GCNA: variants seen among roughly 807,000 people sequenced by gnomAD.
GCNA encodes germ cell nuclear acidic protein.
Under a neutral mutation model 38.8 loss-of-function variants are expected in GCNA, and 3 were observed. That is an observed-to-expected ratio of 0.08 (90% CI 0.04 to 0.20). The LOEUF is 0.20. GCNA is among the 10% of genes least tolerant of loss of function. GCNA has a pLI of 1.00. For missense variants in GCNA, 446 were observed against 578.6 expected (o/e 0.77, Z 2.35); for synonymous variants, 195 against 240.2 (o/e 0.81, Z 1.74).
In GCNA at chrX:71,581,437, C is replaced by A. The variant is rs1487360889; in HGVS notation, c.59+557C>A. On this transcript the variant is annotated intron_variant, in intron 2 of 12. Transcript: ENST00000373696. The stretch of plus-strand genomic sequence containing the variant: ...ATAGCTGCCTGTCTCTAAGTTTTTT[C>A]TCTTCTGGAACACTACCCTATTTTC... Among the ~76,000 whole-genome samples, 3 of 111,758 alleles carry A rather than the reference C, an allele frequency of 2.7e-5. No homozygotes were observed. The East Asian group carries it at 8.3e-4, about 31-fold the overall frequency.
intron 6 of GCNA, among the ~76,000 whole-genome samples, chrX:71,595,136 G>A (rs180682991): frequency 1.3e-4 from 14 of 111,469 alleles, no homozygotes; most frequent in Non-Finnish European, 2.5e-4. Flanking sequence ...AGTCTTGCTC[G>A]ACCAGGTTCG....
chrX:71,610,487 C>T, intron 10 of GCNA, among the ~76,000 whole-genome samples, 194 bp from the exon 11 acceptor site: 1 of 112,025 alleles, frequency 8.9e-6, no homozygotes, highest in East Asian at 2.8e-4. Flanking sequence ...GTGGCGCATG[C>T]CTGTAATCCC....
At chrX:71,588,880 ACTTTTTTTTAAGT>A (rs1417878499) in intron 2 of GCNA, among the ~76,000 whole-genome samples, 2 of 95,759 alleles carry the variant, frequency 2.1e-5, no homozygotes, top group African/African-American at 8.7e-5. Context: ...ATCTTTTATA[ACTTTTTTTTAAGT>A]TTTTTTTTTT....
At chrX:71,580,086 AAG>A (rs2040534392) in intron 1 of GCNA, among the ~76,000 whole-genome samples, 1 of 100,558 alleles carries the variant, frequency 9.9e-6, no homozygotes, top group African/African-American at 3.7e-5. Flanking sequence ...GTGGGGAGTA[AAG>A]AGGTAGGGGA....
intron 6 of GCNA, among the ~76,000 whole-genome samples, chrX:71,595,825 T>C (rs1003479040): frequency 2.7e-5 from 3 of 112,667 alleles, no homozygotes; most frequent in African/African-American, 9.7e-5. Flanking sequence ...AGTGGGAAAG[T>C]TTTTGTTCTG....
intron 2 of GCNA, among the ~76,000 whole-genome samples, chrX:71,588,970 G>A (rs1471867998): frequency 1.5e-4 from 16 of 106,627 alleles, no homozygotes; most frequent in African/African-American, 5.5e-4. Flanking sequence ...CGAACTCTTG[G>A]GCTCAAGGGA....
intron 2 of GCNA, among the ~76,000 whole-genome samples, chrX:71,584,650 G>A (rs2040571616): frequency 9.0e-6 from 1 of 110,585 alleles, no homozygotes; most frequent in South Asian, 3.9e-4. Flanking sequence ...GGATCACGAG[G>A]TCAGGAGATC....
chrX:71,588,730 G>A (rs892015882), intron 2 of GCNA, among the ~76,000 whole-genome samples: 2 of 111,039 alleles, frequency 1.8e-5, no homozygotes, highest in African/African-American at 6.6e-5. Context: ...CACAGGCTGA[G>A]GCAGGAGAAT....
chrX:71,580,194 G>C (rs1351113372), intron 1 of GCNA: 3 of 104,191 alleles, frequency 2.9e-5, no homozygotes, highest in Non-Finnish European at 5.9e-5. Context: ...AGTGGGATGT[G>C]GGGGCGGTCG....
chrX:71,603,597 C>A lies in GCNA; in HGVS notation c.320C>A (p.Pro107Gln). 8.3e-7 allele frequency: 1 copy of A among 1,207,833 alleles called. No homozygotes were observed. The highest frequency in any genetic ancestry group is 1.1e-6 in the Non-Finnish European group (1 of 893,115). The change falls in exon 8 of 13, where the codon CCG (proline) becomes CAG (glutamine). Residue 107 changes from proline (P) to glutamine (Q), a missense_variant. Coordinates refer to ENST00000373696, the MANE Select transcript of GCNA (RefSeq NM_052957.5). ...GTCTCTTGAATTTCAGATGAGAGTCCGGAGTGTTGTCATGTGAAGCCTGCC... is the reference window on the plus strand; with the variant it reads ...GTCTCTTGAATTTCAGATGAGAGTCAGGAGTGTTGTCATGTGAAGCCTGCC... Reference protein sequence around the residue: ...LLEINSDDESPECCHVKPAIQ... With the variant: ...LLEINSDDESQECCHVKPAIQ...
At position 71,591,071 on chromosome X, in the gene GCNA, C is replaced by T. The variant is rs193157415; in HGVS notation, c.60-1051C>T. Among the ~76,000 whole-genome samples the T allele has an allele frequency of 7.2e-4, 80 of 111,536 alleles. 2 individuals are homozygous for T. The highest frequency in any genetic ancestry group is 3.8e-4 in the Admixed American group (4 of 10,470). On this transcript the variant is annotated intron_variant, in intron 2 of 12. Coordinates refer to ENST00000373696, the MANE Select transcript of GCNA (RefSeq NM_052957.5). ...GCATTTTGATATCCTCTGTGGACTA[C>T]GTGTCACAATAACTAATAACAAGAT...
At chrX:71,603,423 C>A (rs748072530) in intron 7 of GCNA, among the ~76,000 whole-genome samples, 165 bp from the exon 8 acceptor site, 3 of 112,253 alleles carry the variant, frequency 2.7e-5, no homozygotes, top group East Asian at 5.6e-4. Context: ...TGGAATCTTT[C>A]CATTTGTTGG....
chrX:71,612,207 G>A (rs1440655054), intron 11 of GCNA, 148 bp from the exon 12 acceptor site: 5 of 432,872 alleles, frequency 1.2e-5, no homozygotes, highest in Non-Finnish European at 1.9e-5. Context: ...GAAACCGGGA[G>A]GTGGAGGTTG....
intron 9 of GCNA, among the ~76,000 whole-genome samples, chrX:71,607,002 G>C (rs1381633962): frequency 8.9e-6 from 1 of 111,814 alleles, no homozygotes; most frequent in Non-Finnish European, 1.9e-5. Context: ...CATTGTTCCT[G>C]TGTAGGCTGC....
At chrX:71,579,669 G>C (rs1258578937) in intron 1 of GCNA, among the ~76,000 whole-genome samples, 2 of 107,798 alleles carry the variant, frequency 1.9e-5, no homozygotes, top group African/African-American at 6.8e-5. Flanking sequence ...GTGGTGGTGG[G>C]AGACAGGAGT....
chrX:71,612,898 C>T lies in GCNA; in HGVS notation c.1992C>T (p.Arg664=). Reference sequence around the variant, plus strand: ...ACACCAAATCGTTGGACACCAGCCGCTTCATCTGTGCCAAATGCAAGGGGT... The same window carrying T: ...ACACCAAATCGTTGGACACCAGCCGTTTCATCTGTGCCAAATGCAAGGGGT... ...GCYTKSLDTS[R]FICAKCKGSL... is the part of the protein sequence containing the mutation. Residue 664 remains arginine (R), a synonymous_variant, in exon 13 of 13, where the codon CGC becomes CGT. Coordinates refer to ENST00000373696, the MANE Select transcript of GCNA (RefSeq NM_052957.5). 2 of 1,211,832 alleles carry T rather than the reference C, an allele frequency of 1.7e-6. No individual in the cohort carries two copies. The highest frequency in any genetic ancestry group is 2.2e-6 in the Non-Finnish European group (2 of 895,552).
At chrX:71,598,871 C>T (rs981033836) in intron 7 of GCNA, among the ~76,000 whole-genome samples, 10 of 111,233 alleles carry the variant, frequency 9.0e-5, no homozygotes, top group African/African-American at 3.3e-4. Context: ...GAGACAGTCT[C>T]GGTCTGTTGC....
Position 71,604,575 on chromosome X carries a change from A to G in GCNA, c.1298A>G (p.Asn433Ser), listed in dbSNP as rs765238698. 2 of 1,195,862 alleles carry G rather than the reference A, an allele frequency of 1.7e-6. No homozygotes were observed. Among genetic ancestry groups the G allele is most frequent in the South Asian group, 3.7e-5 (2 of 54,704 alleles). ...PPRKRQTKTK[N>S]IVEPPRKRQT... Reference sequence around the variant, plus strand: ...AGGAAAAGGCAGACAAAGACCAAAAATATAGTGGAGCCACCAAGGAAAAGG... The same window carrying G: ...AGGAAAAGGCAGACAAAGACCAAAAGTATAGTGGAGCCACCAAGGAAAAGG... The change falls in exon 8 of 13, where the codon AAT becomes AGT. Residue 433 changes from asparagine to serine, a missense_variant. Coordinates refer to ENST00000373696, the MANE Select transcript of GCNA (RefSeq NM_052957.5).
intron 12 of GCNA, 130 bp downstream of exon 12, chrX:71,612,689 T>C: frequency 1.1e-6 from 1 of 899,858 alleles, no homozygotes; most frequent in Non-Finnish European, 1.5e-6. Flanking sequence ...CACGTTCTCT[T>C]TCTCCTTTCT....
Sources: gnomAD v4.1 joint callset for allele counts (sites outside exome capture counted in the v4.1 genomes callset) on GRCh38, gnomAD v4.1.1 for gene constraint, MANE v1.5 for transcripts, NCBI Gene and HGNC (gene_info 2026-07-23, HGNC 2026-07-21) for gene names.